The following MAML3 variants were observed in gnomAD, a reference collection of about 807,000 sequenced individuals.
MAML3 encodes the protein mastermind-like protein 3.
Under a neutral mutation model 101.9 loss-of-function variants are expected in MAML3, and 27 were observed. The observed-to-expected ratio is 0.27, with a 90% CI of 0.20 to 0.37. The LOEUF (loss-of-function observed/expected upper bound fraction) is 0.37, where lower values mean the gene tolerates loss of function less well. Ranked by LOEUF, MAML3 falls within the 10% of genes least tolerant of loss-of-function variation. The pLI, the probability that MAML3 is intolerant of heterozygous loss-of-function variation, is 1.00. For synonymous variants in MAML3, 501 were observed against 555.9 expected, an observed-to-expected ratio of 0.90 and a Z score of 1.39; for missense variants, 1,316 against 1,444.9, an observed-to-expected ratio of 0.91 and a Z score of 1.45.
intron 1 of MAML3, among the ~76,000 whole-genome samples, chr4:139,963,794 G>A (rs1254383018): frequency 4.6e-5 from 7 of 152,124 alleles, no homozygotes; most frequent in African/African-American, 1.4e-4. Context: ...TACAATATTA[G>A]CAACTAGAAC....
At chr4:139,852,403 G>GTTTTTTTTTTGTTGTTGTT (rs1731572561) in intron 2 of MAML3, among the ~76,000 whole-genome samples, 1 of 68,326 alleles carries the variant, frequency 1.5e-5, no homozygotes, top group African/African-American at 6.7e-5. Flanking sequence ...TCAGAAGACT[G>GTTTTTTTTTTGTTGTTGTT]TTTTTTTTTT....
intron 1 of MAML3, among the ~76,000 whole-genome samples, chr4:140,097,557 A>T (rs1235889232): frequency 6.6e-6 from 1 of 152,288 alleles, no homozygotes; most frequent in South Asian, 2.1e-4. Flanking sequence ...GTTGGGAAGT[A>T]TTAAAGGGAA....
At chr4:139,725,641 G>T in intron 4 of MAML3, 110 bp downstream of exon 4, 2 of 1,037,982 alleles carry the variant, frequency 1.9e-6, no homozygotes, top group Non-Finnish European at 2.9e-6. Flanking sequence ...TACATATTTT[G>T]AGTATTTCCT....
chr4:139,927,645 A>G lies in MAML3; in HGVS notation c.469-36678T>C, dbSNP rs180948148. ...TGTATTCTTAAAATTATTTATTTAT[A>G]TAACTATGGACTTCTGGCTATTACG... is the stretch of plus-strand genomic sequence containing the variant. On this transcript the variant is annotated intron_variant, in intron 1 of 4. Coordinates refer to ENST00000509479, the MANE Select transcript of MAML3 (RefSeq NM_018717.5). 6.6e-5 allele frequency among the ~76,000 whole-genome samples: 10 copies of G among 152,360 alleles called. No homozygotes were observed. In the East Asian group the frequency reaches 1.2e-3, roughly 18 times the overall value.
intron 4 of MAML3, 103 bp from the exon 5 acceptor site, chr4:139,720,426 T>C (rs1728189538): frequency 2.0e-6 from 2 of 980,952 alleles, no homozygotes; most frequent in South Asian, 1.9e-5. Flanking sequence ...TTCCTTTATA[T>C]GAAAGGATCT....
chr4:139,892,003 C>T, intron 1 of MAML3, among the ~76,000 whole-genome samples: 1 of 152,198 alleles, frequency 6.6e-6, no homozygotes, highest in South Asian at 2.1e-4. Context: ...TCCTTCTGCT[C>T]ACTCTACATT....
At chr4:139,794,862 T>C (rs111250978) in intron 2 of MAML3, among the ~76,000 whole-genome samples, 7 of 152,266 alleles carry the variant, frequency 4.6e-5, no homozygotes, top group African/African-American at 1.7e-4. Context: ...CAGACTAGGG[T>C]CAGGTGCCAA....
At chr4:140,115,900 C>T (rs1478019038) in intron 1 of MAML3, among the ~76,000 whole-genome samples, 1 of 151,936 alleles carries the variant, frequency 6.6e-6, no homozygotes, top group Non-Finnish European at 1.5e-5. Flanking sequence ...ATGAAAATGT[C>T]TATTTAAATA....
At chr4:139,851,183 G>C (rs923236323) in intron 2 of MAML3, among the ~76,000 whole-genome samples, 3 of 152,202 alleles carry the variant, frequency 2.0e-5, no homozygotes, top group African/African-American at 7.2e-5. Context: ...GAACTGACCA[G>C]AACTAGGAAC....
chr4:139,772,138 G>C (rs1268020485), intron 2 of MAML3, among the ~76,000 whole-genome samples: 31 of 144,796 alleles, frequency 2.1e-4, no homozygotes, highest in African/African-American at 7.8e-4. Context: ...TACTGGGGAA[G>C]CTGAGGCAGG....
intron 1 of MAML3, among the ~76,000 whole-genome samples, chr4:140,057,300 T>G (rs1727366322): frequency 6.6e-6 from 1 of 152,166 alleles, no homozygotes; most frequent in Non-Finnish European, 1.5e-5. Flanking sequence ...AAGACTAATA[T>G]GGACTCCAGG....
chr4:139,754,870 T>C (rs1355831295), intron 2 of MAML3, among the ~76,000 whole-genome samples: 1 of 152,236 alleles, frequency 6.6e-6, no homozygotes, highest in Non-Finnish European at 1.5e-5. Context: ...ATTTATAACA[T>C]GTAGTCATCT....
At chr4:139,739,222 C>G (rs1405719357) in intron 2 of MAML3, among the ~76,000 whole-genome samples, 2 of 152,216 alleles carry the variant, frequency 1.3e-5, no homozygotes, top group Admixed American at 6.5e-5. Context: ...AGCTCCTGAG[C>G]TGACCCTCTG....
At chr4:140,123,332 A>G (rs962224591) in intron 1 of MAML3, among the ~76,000 whole-genome samples, 5 of 152,222 alleles carry the variant, frequency 3.3e-5, no homozygotes, top group African/African-American at 1.2e-4. Flanking sequence ...ATTTATGTTT[A>G]TATTCACATA....
intron 2 of MAML3, among the ~76,000 whole-genome samples, chr4:139,789,798 C>T (rs1198327215): frequency 6.6e-6 from 1 of 151,950 alleles, no homozygotes; most frequent in Non-Finnish European, 1.5e-5. Context: ...GTTTTTCCAA[C>T]CTCAACTATG....
intron 1 of MAML3, among the ~76,000 whole-genome samples, chr4:139,899,433 T>C (rs895803209): frequency 6.6e-6 from 1 of 152,230 alleles, no homozygotes; most frequent in Non-Finnish European, 1.5e-5. Flanking sequence ...AGCACAGTAA[T>C]ATCCCTGACC....
chr4:140,069,363 A>G (rs1426834680), intron 1 of MAML3, among the ~76,000 whole-genome samples: 1 of 41,840 alleles, frequency 2.4e-5, no homozygotes, highest in African/African-American at 5.4e-5. Flanking sequence ...GGAGAAGGAG[A>G]AGAAGAAGAA....
At chr4:139,953,052 A>C (rs929134734) in intron 1 of MAML3, among the ~76,000 whole-genome samples, 4 of 152,216 alleles carry the variant, frequency 2.6e-5, no homozygotes, top group African/African-American at 9.6e-5. Context: ...TCACTAAGTG[A>C]TGTCAGAGGG....
At chr4:139,905,837 A>G (rs1417358093) in intron 1 of MAML3, among the ~76,000 whole-genome samples, 1 of 152,076 alleles carries the variant, frequency 6.6e-6, no homozygotes, top group Non-Finnish European at 1.5e-5. Context: ...GTTAGGGCCT[A>G]CCCTAATGCC....
Sources: allele counts gnomAD v4.1 joint callset (sites outside exome capture counted in the v4.1 genomes callset), GRCh38; gene constraint gnomAD v4.1.1; transcripts MANE v1.5; gene names NCBI Gene and HGNC (gene_info 2026-07-23, HGNC 2026-07-21).